The following IL22RA2 variants were observed in gnomAD, a reference collection of about 807,000 sequenced individuals.
The protein encoded by IL22RA2 is interleukin 22 receptor subunit alpha 2.
In IL22RA2, 39 loss-of-function variants were observed where a neutral mutation model predicts 30.7. The ratio of observed to expected loss-of-function variants is 1.27; its 90% confidence interval spans 0.98 to 1.66. The LOEUF (loss-of-function observed/expected upper bound fraction) is 1.66. IL22RA2 is among the 40% of genes most tolerant of loss of function. The probability of loss-of-function intolerance (pLI) is 0.00; values close to 1 mark genes in which losing one functional copy is unlikely to be tolerated. For synonymous variants in IL22RA2, 103 were observed against 105.0 expected, an observed-to-expected ratio of 0.98 and a Z score of 0.11; for missense variants, 315 against 312.7, an observed-to-expected ratio of 1.01 and a Z score of -0.05.
At chr6:137,165,555 T>C (rs563319704) in intron 1 of IL22RA2, among the ~76,000 whole-genome samples, 2 of 152,086 alleles carry the variant, frequency 1.3e-5, no homozygotes, top group African/African-American at 2.4e-5. Context: ...GTGGTCGTGG[T>C]TGCGGTCATG....
intron 2 of IL22RA2, among the ~76,000 whole-genome samples, chr6:137,160,677 A>G (rs530043634): frequency 6.6e-6 from 1 of 152,204 alleles, no homozygotes; most frequent in Admixed American, 6.5e-5. Context: ...AAGCTTTACA[A>G]CTTACTTAAT....
intron 1 of IL22RA2, among the ~76,000 whole-genome samples, chr6:137,170,940 TA>T (rs1778721112): frequency 6.6e-6 from 1 of 152,230 alleles, no homozygotes; most frequent in African/African-American, 2.4e-5. Flanking sequence ...GATTAGCATC[TA>T]AAAATGAAGT....
intron 5 of IL22RA2, among the ~76,000 whole-genome samples, chr6:137,154,602 G>A (rs1007595829): frequency 8.0e-5 from 12 of 150,230 alleles, no homozygotes; most frequent in African/African-American, 1.2e-4. Context: ...GTGACAAAGC[G>A]AGACCCTGTC....
intron 4 of IL22RA2, 29 bp from the exon 5 acceptor site, chr6:137,155,148 G>A: frequency 6.7e-7 from 1 of 1,485,616 alleles, no homozygotes; most frequent in Non-Finnish European, 9.0e-7. Context: ...AAAGATCTGA[G>A]TTTCTTTTCT....
intron 2 of IL22RA2, 142 bp from the exon 3 acceptor site, chr6:137,158,624 T>A (rs1290046481): frequency 1.3e-6 from 1 of 776,866 alleles, no homozygotes; most frequent in African/African-American, 1.7e-5. Flanking sequence ...AGCCCAGAAA[T>A]CAACATTTTG....
intron 5 of IL22RA2, among the ~76,000 whole-genome samples, chr6:137,153,624 G>C (rs768376531): frequency 6.6e-6 from 1 of 152,110 alleles, no homozygotes; most frequent in African/African-American, 2.4e-5. Context: ...CATTTGGAGC[G>C]CCTCATGCCA....
chr6:137,171,546 G>A (rs1287337851), intron 1 of IL22RA2, among the ~76,000 whole-genome samples: 1 of 152,134 alleles, frequency 6.6e-6, no homozygotes, highest in Non-Finnish European at 1.5e-5. Context: ...ATACAGACAG[G>A]AGCAGAGGAG....
intron 1 of IL22RA2, among the ~76,000 whole-genome samples, chr6:137,163,630 C>T (rs1028686550): frequency 7.2e-5 from 11 of 152,134 alleles, no homozygotes; most frequent in African/African-American, 2.7e-4. Context: ...AAGACCCGTC[C>T]CATAAGGATG....
chr6:137,145,485 A>G lies in IL22RA2; in HGVS notation c.*139T>C. 1.5e-6 allele frequency: 1 copy of G among 663,800 alleles called. No individual in the cohort carries two copies. Among genetic ancestry groups the G allele is most frequent in the Non-Finnish European group, 2.4e-6 (1 of 419,084 alleles). 41.1% of individuals were successfully genotyped at this position (663,800 alleles called of 1,614,324 possible). A position where few individuals can be genotyped will look rare whatever the true frequency, so the allele number is the denominator to read the frequency against. On this transcript the variant is annotated 3_prime_UTR_variant, in exon 7 of 7. Coordinates refer to ENST00000296980, the MANE Select transcript of IL22RA2 (RefSeq NM_052962.3). ...AAAGGATAAAAGAATGGATAAACAAAGAAGTCCCCAAGGTGTAACAGTGAA... is the reference window on the plus strand; with the variant it reads ...AAAGGATAAAAGAATGGATAAACAAGGAAGTCCCCAAGGTGTAACAGTGAA...
chr6:137,165,284 C>A (rs973547616), intron 1 of IL22RA2, among the ~76,000 whole-genome samples: 2 of 152,186 alleles, frequency 1.3e-5, no homozygotes, highest in Non-Finnish European at 2.9e-5. Flanking sequence ...CGAGGCTTAC[C>A]AGCTTTACAT....
chr6:137,150,213 A>G (rs1181979988), intron 5 of IL22RA2, among the ~76,000 whole-genome samples: 1 of 152,196 alleles, frequency 6.6e-6, no homozygotes, highest in African/African-American at 2.4e-5. Flanking sequence ...TCATTAGTCT[A>G]TATCACAGAT....
intron 6 of IL22RA2, among the ~76,000 whole-genome samples, chr6:137,147,377 A>T (rs1446363834): frequency 8.5e-6 from 1 of 117,590 alleles, no homozygotes; most frequent in Non-Finnish European, 1.6e-5. Context: ...AATACATAAT[A>T]AATAAATAAA....
chr6:137,170,755 G>T (rs1778717698), intron 1 of IL22RA2, among the ~76,000 whole-genome samples: 1 of 151,914 alleles, frequency 6.6e-6, no homozygotes, highest in African/African-American at 2.4e-5. Context: ...ACCGGGAAAG[G>T]GCCTGCGTGA....
intron 1 of IL22RA2, among the ~76,000 whole-genome samples, chr6:137,166,997 G>A (rs1778638692): frequency 1.3e-5 from 2 of 152,210 alleles, no homozygotes; most frequent in African/African-American, 4.8e-5. Flanking sequence ...GTGCATGCTA[G>A]TGTTTGTCTG....
At chr6:137,167,212 C>T (rs763928921) in intron 1 of IL22RA2, among the ~76,000 whole-genome samples, 2 of 152,200 alleles carry the variant, frequency 1.3e-5, no homozygotes, top group Non-Finnish European at 2.9e-5. Context: ...CAGCTTATCA[C>T]CCATAGAGTT....
chr6:137,145,369 A>C lies in IL22RA2; in HGVS notation c.*255T>G, dbSNP rs1778156278. On this transcript the variant is annotated 3_prime_UTR_variant, in exon 7 of 7. Transcript: ENST00000296980. ...TGTTACATTCAGAAATAAAGTTCTG[A>C]ATTTCATAGAACACTTTATTCTCTG... is the stretch of plus-strand genomic sequence containing the variant. The C allele has an allele frequency of 3.2e-6, 1 of 315,216 alleles. No homozygotes were observed. 19.5% of individuals were successfully genotyped at this position (315,216 alleles called of 1,614,324 possible).
chr6:137,162,798 G>C (rs1778548177), intron 1 of IL22RA2, among the ~76,000 whole-genome samples: 1 of 152,178 alleles, frequency 6.6e-6, no homozygotes, highest in Non-Finnish European at 1.5e-5. Context: ...ACATTTCGTA[G>C]GGACTTATGA....
chr6:137,151,435 A>C (rs552782955), intron 5 of IL22RA2, among the ~76,000 whole-genome samples: 6 of 152,254 alleles, frequency 3.9e-5, no homozygotes, highest in Non-Finnish European at 8.8e-5. Context: ...CTTAACTGTG[A>C]GAGATAAAAC....
At chr6:137,155,936 C>A (rs1778397256) in intron 4 of IL22RA2, among the ~76,000 whole-genome samples, 1 of 152,180 alleles carries the variant, frequency 6.6e-6, no homozygotes, top group South Asian at 2.1e-4. Context: ...TTCTCCACTT[C>A]TCATCAGCTT....
Sources: gnomAD v4.1 joint callset for allele counts (sites outside exome capture counted in the v4.1 genomes callset) on GRCh38, gnomAD v4.1.1 for gene constraint, MANE v1.5 for transcripts, NCBI Gene and HGNC (gene_info 2026-07-23, HGNC 2026-07-21) for gene names.